TOR3A: variants seen among roughly 807,000 people sequenced by gnomAD.
TOR3A encodes the protein torsin family 3 member A.
Under a neutral mutation model 42.1 loss-of-function variants are expected in TOR3A, and 44 were observed. The observed-to-expected ratio is 1.04, with a 90% CI of 0.82 to 1.34. The LOEUF is 1.34. TOR3A is among the 40% of genes most tolerant of loss of function. The probability of loss-of-function intolerance (pLI) is 0.00; values close to 1 mark genes in which losing one functional copy is unlikely to be tolerated. For missense variants in TOR3A, 521 were observed against 507.6 expected, an observed-to-expected ratio of 1.03 and a Z score of -0.25; for synonymous variants, 227 against 213.2, an observed-to-expected ratio of 1.06 and a Z score of -0.57.
chr1:179,082,748 T>C, intron 1 of TOR3A, 192 bp from the exon 2 acceptor site: 1 of 704,424 alleles, frequency 1.4e-6, no homozygotes, highest in East Asian at 2.7e-5. Context: ...TGGACATGCC[T>C]GGTGACTGCC....
Position 179,082,215 on chromosome 1 carries a change from G to T in TOR3A, c.87G>T (p.Pro29=), listed in dbSNP as rs766256689. Residue 29 remains proline (P), a synonymous_variant, in exon 1 of 6, where the codon CCG becomes CCT. Coordinates refer to ENST00000367627, the MANE Select transcript of TOR3A (RefSeq NM_022371.4). ...GAPEPRGASR[P]WEGTDEPGSA... is the part of the protein sequence containing the mutation. ...CTGAGCCCCGCGGCGCCTCCAGGCCGTGGGAGGGAACCGACGAGCCGGGCT... is the reference window on the plus strand; with the variant it reads ...CTGAGCCCCGCGGCGCCTCCAGGCCTTGGGAGGGAACCGACGAGCCGGGCT... 1 of 1,510,860 alleles carries T rather than the reference G, an allele frequency of 6.6e-7. No individual in the cohort carries two copies. The highest frequency in any genetic ancestry group is 8.8e-7 in the Non-Finnish European group (1 of 1,138,018). The allele number at this position is 1,510,860 out of a possible 1,614,324, so 93.6% of individuals were successfully genotyped here. A position where few individuals can be genotyped will look rare whatever the true frequency, so the allele number is the denominator to read the frequency against.
At chr1:179,090,298 G>A (rs537806111) in intron 4 of TOR3A, among the ~76,000 whole-genome samples, 4 of 152,342 alleles carry the variant, frequency 2.6e-5, no homozygotes, top group East Asian at 1.9e-4. Context: ...CCCTCCAGCC[G>A]AGGGCTGGGC....
Position 179,095,011 on chromosome 1 carries a change from T to G in TOR3A, c.987T>G (p.Ile329Met), listed in dbSNP as rs775690455. Reference sequence around the variant, plus strand: ...GCCGTCTTGTGAAGGAAAACCTGATTGACTACTTCATCCCCTTCCTGCCTT... The same window carrying G: ...GCCGTCTTGTGAAGGAAAACCTGATGGACTACTTCATCCCCTTCCTGCCTT... ...GHSRLVKENL[I>M]DYFIPFLPLE... The change falls in exon 6 of 6, where the codon ATT (isoleucine) becomes ATG (methionine). Residue 329 changes from isoleucine to methionine, a missense_variant. Transcript: ENST00000367627. The G allele has an allele frequency of 6.2e-7, 1 of 1,614,218 alleles. No homozygotes were observed. The highest frequency in any genetic ancestry group is 8.5e-7 in the Non-Finnish European group (1 of 1,180,032).
chr1:179,088,279 G>A (rs577469129), intron 4 of TOR3A, 190 bp downstream of exon 4: 3 of 499,294 alleles, frequency 6.0e-6, no homozygotes, highest in South Asian at 4.8e-5. Flanking sequence ...AGGCCAAGGC[G>A]GCCGGGTCCC....
chr1:179,090,185 A>G (rs372198256), intron 4 of TOR3A, among the ~76,000 whole-genome samples: 19 of 151,846 alleles, frequency 1.3e-4, no homozygotes, highest in African/African-American at 3.9e-4. Context: ...GTCCCCCAGG[A>G]GCCTTTGACA....
chr1:179,082,856 C>A (rs1036615554), intron 1 of TOR3A, 84 bp from the exon 2 acceptor site: 60 of 918,266 alleles, frequency 6.5e-5, no homozygotes, highest in Non-Finnish European at 1.0e-4. Context: ...CCCTCTGTCC[C>A]TGACAAGTTG....
chr1:179,092,665 G>T (rs1652622045), intron 4 of TOR3A, among the ~76,000 whole-genome samples: 1 of 152,136 alleles, frequency 6.6e-6, no homozygotes, highest in African/African-American at 2.4e-5. Context: ...TGGCCAACAT[G>T]GTGAAACCCT....
chr1:179,086,537 G>A (rs1037800514), intron 3 of TOR3A, among the ~76,000 whole-genome samples: 1 of 152,102 alleles, frequency 6.6e-6, no homozygotes, highest in African/African-American at 2.4e-5. Flanking sequence ...GTGGTGGCGG[G>A]CACCTGTAGT....
chr1:179,091,067 C>G (rs1359818738), intron 4 of TOR3A, among the ~76,000 whole-genome samples: 1 of 152,114 alleles, frequency 6.6e-6, no homozygotes, highest in Admixed American at 6.5e-5. Context: ...CACTAAGGCT[C>G]AAAGAGATGA....
chr1:179,085,545 T>C (rs1343861918), intron 2 of TOR3A, 83 bp from the exon 3 acceptor site: 1 of 1,539,294 alleles, frequency 6.5e-7, no homozygotes, highest in African/African-American at 1.4e-5. Context: ...GATTCAGAGT[T>C]GCTTGGTTTC....
In TOR3A at chr1:179,088,114, G is replaced by A. The variant is rs368566049; in HGVS notation, c.818+25G>A. Reference sequence around the variant, plus strand: ...GGTGGGTTCTGGGGAACAATAGTCAGGAGGGCTGGGGGAGGGGAAGATACT... The same window carrying A: ...GGTGGGTTCTGGGGAACAATAGTCAAGAGGGCTGGGGGAGGGGAAGATACT... On this transcript the variant is annotated intron_variant, in intron 4 of 5. Coordinates refer to ENST00000367627, the MANE Select transcript of TOR3A (RefSeq NM_022371.4). 10 of 1,536,242 alleles carry A rather than the reference G, an allele frequency of 6.5e-6. No individual in the cohort carries two copies. In the African/African-American group the frequency reaches 1.4e-4, roughly 21 times the overall value.
rs758484510 is a variant in TOR3A, at chr1:179,094,213, C to CAT, written c.941_942dup (p.Asp315Ter). On this transcript the variant is annotated frameshift_variant, in exon 5 of 6. Coordinates refer to ENST00000367627, the MANE Select transcript of TOR3A (RefSeq NM_022371.4). LOFTEE classifies it high-confidence loss of function. ...ACCTCCAGGCGGAGATTGTGGAGAC[C>CAT]ATAGGTGAGTAACTGACTCAATATG... 1.7e-5 allele frequency: 27 copies of CAT among 1,612,370 alleles called. No homozygotes were observed. Among genetic ancestry groups the CAT allele is most frequent in the Non-Finnish European group, 2.2e-5 (26 of 1,179,404 alleles).
chr1:179,093,528 T>C (rs976948621), intron 4 of TOR3A, among the ~76,000 whole-genome samples: 5 of 152,166 alleles, frequency 3.3e-5, no homozygotes, highest in African/African-American at 1.2e-4. Context: ...AAATCCTCCT[T>C]TCCATCCCTT....
At chr1:179,087,869 A>C in intron 3 of TOR3A, 42 bp from the exon 4 acceptor site, 1 of 1,502,694 alleles carries the variant, frequency 6.7e-7, no homozygotes, top group East Asian at 2.4e-5. Flanking sequence ...CGGAGGTGGA[A>C]GGAGTCACCA....
intron 2 of TOR3A, among the ~76,000 whole-genome samples, chr1:179,084,130 T>C (rs1652370740): frequency 6.6e-6 from 1 of 152,108 alleles, no homozygotes; most frequent in Non-Finnish European, 1.5e-5. Context: ...ATCCAAATTG[T>C]TCTGGCCAGC....
At chr1:179,086,558 C>T (rs145042138) in intron 3 of TOR3A, among the ~76,000 whole-genome samples, 5,158 of 151,498 alleles carry the variant, frequency 0.034, 116 homozygotes, top group Non-Finnish European at 0.052. Flanking sequence ...CTCAGCTACT[C>T]GGGAGGCTGA....
At chr1:179,091,230 C>T (rs887515994) in intron 4 of TOR3A, among the ~76,000 whole-genome samples, 15 of 152,198 alleles carry the variant, frequency 9.9e-5, no homozygotes, top group East Asian at 1.9e-4. Flanking sequence ...GGGCTGGAGA[C>T]GGGGGATGAG....
chr1:179,092,927 C>T (rs2102546574), intron 4 of TOR3A, among the ~76,000 whole-genome samples: 1 of 152,158 alleles, frequency 6.6e-6, no homozygotes, highest in Non-Finnish European at 1.5e-5. Context: ...TCAGCTGAGC[C>T]TGGGGAGGTG....
Position 179,088,031 on chromosome 1 carries a change from C to T in TOR3A, c.760C>T (p.Arg254Cys), listed in dbSNP as rs370170124. Reference sequence around the variant, plus strand: ...GGAGGTCCTTGGGCCACACTTAGAACGCCGGGCCCCTGAGGGCCACAGGGC... The same window carrying T: ...GGAGGTCCTTGGGCCACACTTAGAATGCCGGGCCCCTGAGGGCCACAGGGC... ...LLEVLGPHLERRAPEGHRAES... is the reference protein window; with the variant it reads ...LLEVLGPHLECRAPEGHRAES... Residue 254 changes from arginine (R) to cysteine (C), a missense_variant, in exon 4 of 6, where the codon CGC becomes TGC. Arg to Cys is a radical substitution (Grantham distance 180). Transcript: ENST00000367627. 3.5e-5 allele frequency: 57 copies of T among 1,613,364 alleles called. No homozygotes were observed. The highest frequency in any genetic ancestry group is 4.2e-5 in the Non-Finnish European group (49 of 1,179,694).
Sources: allele counts gnomAD v4.1 joint callset (sites outside exome capture counted in the v4.1 genomes callset), GRCh38; gene constraint gnomAD v4.1.1; transcripts MANE v1.5; gene names NCBI Gene and HGNC (gene_info 2026-07-23, HGNC 2026-07-21).